KCNIP4: variants seen among roughly 807,000 people sequenced by gnomAD.
KCNIP4 encodes the protein Kv channel-interacting protein 4.
A neutral mutation model predicts 34.0 loss-of-function variants in KCNIP4; 12 were observed. The observed-to-expected ratio is 0.35, with a 90% CI of 0.23 to 0.57. The LOEUF (loss-of-function observed/expected upper bound fraction) is 0.57, where lower values mean the gene tolerates loss of function less well. Among genes scored for constraint, KCNIP4 ranks in the 20% least tolerant of loss-of-function variants. KCNIP4 has a pLI of 0.83. For synonymous variants in KCNIP4, 124 were observed against 102.2 expected (o/e 1.21, Z -1.29); for missense variants, 238 against 311.7 (o/e 0.76, Z 1.78).
chr4:21,368,535 C>G lies in KCNIP4; in HGVS notation c.62-485826G>C, dbSNP rs567788155. Among the ~76,000 whole-genome samples, 3 of 147,418 alleles carry G rather than the reference C, an allele frequency of 2.0e-5. No individual in the cohort carries two copies. The East Asian group carries it at 5.9e-4, about 29-fold the overall frequency. On this transcript the variant is annotated intron_variant, in intron 1 of 8. Coordinates refer to ENST00000382152, the MANE Select transcript of KCNIP4 (RefSeq NM_025221.6). ...AATTATTAGTCCAATATTATCTTCACTCTGCAGCTTTGGTAACTAAGGCCC... is the reference window on the plus strand; with the variant it reads ...AATTATTAGTCCAATATTATCTTCAGTCTGCAGCTTTGGTAACTAAGGCCC...
intron 1 of KCNIP4, among the ~76,000 whole-genome samples, chr4:21,943,922 C>A (rs1430762400): frequency 1.3e-5 from 2 of 148,928 alleles, no homozygotes; most frequent in East Asian, 3.9e-4. Context: ...ACTTATTCAT[C>A]ATGATGAGAA....
intron 1 of KCNIP4, among the ~76,000 whole-genome samples, chr4:21,755,023 T>TG: frequency 6.6e-6 from 1 of 152,290 alleles, no homozygotes. Flanking sequence ...CATGTGTGCC[T>TG]GTAATCCCAG....
At chr4:20,832,717 C>T (rs1388215103) in intron 3 of KCNIP4, among the ~76,000 whole-genome samples, 4 of 139,422 alleles carry the variant, frequency 2.9e-5, no homozygotes, top group African/African-American at 1.1e-4. Context: ...TATTTGAATG[C>T]TTTTTATTTA....
At chr4:21,885,987 C>G (rs1726741661) in intron 1 of KCNIP4, among the ~76,000 whole-genome samples, 1 of 152,050 alleles carries the variant, frequency 6.6e-6, no homozygotes, top group Non-Finnish European at 1.5e-5. Flanking sequence ...CTCATTCTCA[C>G]AACAATCCAT....
At chr4:21,167,834 A>C (rs1382597831) in intron 1 of KCNIP4, among the ~76,000 whole-genome samples, 1 of 152,226 alleles carries the variant, frequency 6.6e-6, no homozygotes, top group African/African-American at 2.4e-5. Context: ...AAAGATGATG[A>C]ACTGCCATTT....
chr4:20,818,423 A>C (rs186679568), intron 3 of KCNIP4, among the ~76,000 whole-genome samples: 12 of 152,338 alleles, frequency 7.9e-5, no homozygotes, highest in African/African-American at 2.6e-4. Flanking sequence ...TTATCAGAAG[A>C]AAAGCAGCCC....
intron 1 of KCNIP4, among the ~76,000 whole-genome samples, chr4:20,988,944 A>T (rs1351237915): frequency 6.6e-6 from 1 of 152,226 alleles, no homozygotes; most frequent in Non-Finnish European, 1.5e-5. Context: ...GGATTTGTGT[A>T]AGAAACCTTA....
chr4:21,113,870 G>A (rs550415798), intron 1 of KCNIP4, among the ~76,000 whole-genome samples: 1 of 152,278 alleles, frequency 6.6e-6, no homozygotes, highest in African/African-American at 2.4e-5. Flanking sequence ...ACAAGAAATA[G>A]GTGACATTTG....
At chr4:21,792,039 T>C (rs1720325722) in intron 1 of KCNIP4, among the ~76,000 whole-genome samples, 1 of 134,274 alleles carries the variant, frequency 7.4e-6, no homozygotes, top group Non-Finnish European at 1.5e-5. Context: ...ACCTACCTCA[T>C]AGGCACTCTT....
At chr4:20,812,576 C>T (rs1231897842) in intron 3 of KCNIP4, among the ~76,000 whole-genome samples, 2 of 152,092 alleles carry the variant, frequency 1.3e-5, no homozygotes, top group Non-Finnish European at 2.9e-5. Flanking sequence ...TTCCGAATCC[C>T]GGAGGATGAA....
intron 2 of KCNIP4, among the ~76,000 whole-genome samples, chr4:20,860,125 CT>C (rs888172911): frequency 1.1e-4 from 16 of 149,712 alleles, no homozygotes; most frequent in South Asian, 4.3e-4. Context: ...GGTCCCATTT[CT>C]TTTTTTTTTC....
At chr4:20,783,990 C>T (rs1212141303) in intron 3 of KCNIP4, among the ~76,000 whole-genome samples, 1 of 151,954 alleles carries the variant, frequency 6.6e-6, no homozygotes, top group Non-Finnish European at 1.5e-5. Context: ...TGGTTCCTGC[C>T]CCTACCCTTT....
intron 1 of KCNIP4, among the ~76,000 whole-genome samples, chr4:21,033,486 A>C (rs1319614488): frequency 6.6e-6 from 1 of 152,220 alleles, no homozygotes; most frequent in East Asian, 1.9e-4. Context: ...GGTCTATTGC[A>C]TCTTGGCCCT....
At chr4:21,725,701 T>C (rs1326646929) in intron 1 of KCNIP4, among the ~76,000 whole-genome samples, 1 of 152,172 alleles carries the variant, frequency 6.6e-6, no homozygotes, top group African/African-American at 2.4e-5. Context: ...TTTGGCAATA[T>C]TTTTCTTCTT....
chr4:21,763,868 T>G (rs1433969986), intron 1 of KCNIP4, among the ~76,000 whole-genome samples: 3 of 152,142 alleles, frequency 2.0e-5, no homozygotes, highest in Non-Finnish European at 4.4e-5. Context: ...TCAGGTTTGC[T>G]TGTTATGCTT....
intron 1 of KCNIP4, among the ~76,000 whole-genome samples, chr4:21,626,545 T>A (rs888165770): frequency 6.6e-6 from 1 of 151,664 alleles, no homozygotes. Context: ...AAAAATAAAT[T>A]TCTGTTGTTT....
chr4:21,505,695 A>G (rs946666650), intron 1 of KCNIP4, among the ~76,000 whole-genome samples: 1 of 152,172 alleles, frequency 6.6e-6, no homozygotes, highest in African/African-American at 2.4e-5. Flanking sequence ...CATCTTATTC[A>G]TCTTAGTATC....
intron 3 of KCNIP4, among the ~76,000 whole-genome samples, chr4:20,816,806 T>C (rs1371571244): frequency 6.6e-6 from 1 of 152,240 alleles, no homozygotes; most frequent in African/African-American, 2.4e-5. Context: ...ATCAGGACTC[T>C]GGAATGGATT....
chr4:20,759,192 C>T (rs572016659), intron 3 of KCNIP4, among the ~76,000 whole-genome samples: 1 of 152,250 alleles, frequency 6.6e-6, no homozygotes, highest in East Asian at 1.9e-4. Context: ...AAGGAAATTG[C>T]ATTATTTTTC....
Sources: gnomAD v4.1 joint callset for allele counts (sites outside exome capture counted in the v4.1 genomes callset) on GRCh38, gnomAD v4.1.1 for gene constraint, MANE v1.5 for transcripts, NCBI Gene and HGNC (gene_info 2026-07-23, HGNC 2026-07-21) for gene names.